The following SLC24A2 variants were observed in gnomAD, a reference collection of about 807,000 sequenced individuals.
The protein encoded by SLC24A2 is sodium/potassium/calcium exchanger 2.
In SLC24A2, 36 loss-of-function variants were observed where a neutral mutation model predicts 62.0. That is an observed-to-expected ratio of 0.58 (90% CI 0.44 to 0.77). The LOEUF is 0.77. Ranked by LOEUF, SLC24A2 falls within the 30% of genes least tolerant of loss-of-function variation. SLC24A2 has a pLI of 0.00. For missense variants in SLC24A2, 846 were observed against 817.9 expected (o/e 1.03, Z -0.42); for synonymous variants, 358 against 294.0 (o/e 1.22, Z -2.23).
At chr9:19,649,257 T>C in intron 2 of SLC24A2, among the ~76,000 whole-genome samples, 1 of 152,202 alleles carries the variant, frequency 6.6e-6, no homozygotes, top group Non-Finnish European at 1.5e-5. Context: ...GTAGGCTCTT[T>C]GAATTTACTT....
chr9:19,773,946 A>C (rs938124863), intron 2 of SLC24A2, among the ~76,000 whole-genome samples: 5 of 152,218 alleles, frequency 3.3e-5, no homozygotes, highest in Non-Finnish European at 5.9e-5. Context: ...AAAGGAAAGC[A>C]AGGTCAAGTC....
the SLC24A2 span, among the ~76,000 whole-genome samples, chr9:19,947,073 C>G: frequency 2.0e-5 from 3 of 152,178 alleles, no homozygotes. Flanking sequence ...GTAACTTGGA[C>G]TGGGTCAATA....
chr9:19,550,020 G>C (rs1009562748), intron 8 of SLC24A2, 117 bp downstream of exon 8: 26 of 1,037,422 alleles, frequency 2.5e-5, no homozygotes, highest in Non-Finnish European at 3.5e-5. Flanking sequence ...GGGTATATGT[G>C]AGATTTTGAT....
chr9:19,750,571 T>C (rs147982831), intron 2 of SLC24A2, among the ~76,000 whole-genome samples: 33 of 152,288 alleles, frequency 2.2e-4, no homozygotes, highest in African/African-American at 7.9e-4. Context: ...GGGTCTGAAC[T>C]GAGCTCTGCC....
At chr9:20,295,747 G>C in the SLC24A2 span, among the ~76,000 whole-genome samples, 3 of 152,298 alleles carry the variant, frequency 2.0e-5, no homozygotes, top group African/African-American at 4.8e-5. Context: ...ACCTTGGACA[G>C]AGAGTTACAC....
At chr9:19,878,228 G>T in the SLC24A2 span, among the ~76,000 whole-genome samples, 1 of 152,074 alleles carries the variant, frequency 6.6e-6, no homozygotes, top group African/African-American at 2.4e-5. Flanking sequence ...AGCAATCCTG[G>T]GAAAACAGCT....
At chr9:20,081,502 A>C in the SLC24A2 span, among the ~76,000 whole-genome samples, 23 of 131,290 alleles carry the variant, frequency 1.8e-4, no homozygotes, top group African/African-American at 5.6e-4. Flanking sequence ...GGGGGGAGGG[A>C]CAACATTAGG....
chr9:19,707,615 A>G (rs1272268828), intron 2 of SLC24A2, among the ~76,000 whole-genome samples: 2 of 152,252 alleles, frequency 1.3e-5, no homozygotes, highest in Non-Finnish European at 2.9e-5. Flanking sequence ...AAAATCAATA[A>G]ATGTAATCCA....
chr9:19,550,377 T>G, intron 7 of SLC24A2, 109 bp from the exon 8 acceptor site: 1 of 1,155,984 alleles, frequency 8.7e-7, no homozygotes, highest in South Asian at 1.3e-5. Flanking sequence ...ATCAGTTTTC[T>G]GGACTCGTTC....
At chr9:20,178,881 T>C in the SLC24A2 span, among the ~76,000 whole-genome samples, 543 of 152,274 alleles carry the variant, frequency 3.6e-3, 3 homozygotes, top group Admixed American at 0.023. Context: ...TCAAGCCACA[T>C]ACCTAGGAGG....
chr9:20,257,265 T>C, the SLC24A2 span, among the ~76,000 whole-genome samples: 1 of 152,206 alleles, frequency 6.6e-6, no homozygotes, highest in African/African-American at 2.4e-5. Flanking sequence ...AAAAAATATT[T>C]TTTAAGGCTT....
intron 5 of SLC24A2, among the ~76,000 whole-genome samples, chr9:19,579,410 G>A (rs944403151): frequency 1.3e-5 from 2 of 152,112 alleles, no homozygotes; most frequent in African/African-American, 2.4e-5. Flanking sequence ...GCCTAAAGAG[G>A]AGTTACTTTT....
At chr9:19,924,896 T>C in the SLC24A2 span, among the ~76,000 whole-genome samples, 1 of 152,210 alleles carries the variant, frequency 6.6e-6, no homozygotes, top group Non-Finnish European at 1.5e-5. Context: ...TGCCTTTGAA[T>C]GCAGCACAGA....
chr9:19,895,525 CTTTT>C, the SLC24A2 span, among the ~76,000 whole-genome samples: 2 of 87,632 alleles, frequency 2.3e-5, no homozygotes, highest in East Asian at 6.1e-4. Context: ...TTCCCCTGCC[CTTTT>C]CTTTCTTTCT....
At chr9:19,850,946 C>T in the SLC24A2 span, among the ~76,000 whole-genome samples, 246 of 24,664 alleles carry the variant, frequency 1.0e-2, 6 homozygotes, top group Middle Eastern at 0.091. Flanking sequence ...TATATATATA[C>T]ATATATATAT....
chr9:19,545,829 G>T (rs943549567), intron 8 of SLC24A2, among the ~76,000 whole-genome samples: 1 of 151,924 alleles, frequency 6.6e-6, no homozygotes, highest in Non-Finnish European at 1.5e-5. Flanking sequence ...TACTAGAGAC[G>T]GGTTTCACTG....
the SLC24A2 span, chr9:19,929,950 G>A: frequency 6.7e-6 from 1 of 148,162 alleles, no homozygotes; most frequent in Non-Finnish European, 1.5e-5. Flanking sequence ...ATAGAATAAC[G>A]ATATAAAAAT....
intron 2 of SLC24A2, among the ~76,000 whole-genome samples, chr9:19,646,946 T>C (rs1432755415): frequency 1.3e-5 from 2 of 152,182 alleles, no homozygotes; most frequent in African/African-American, 4.8e-5. Context: ...CATTCCCCTG[T>C]AGAAGTCTGC....
At chr9:19,551,227 C>G (rs1241017606) in intron 7 of SLC24A2, among the ~76,000 whole-genome samples, 1 of 152,226 alleles carries the variant, frequency 6.6e-6, no homozygotes, top group Non-Finnish European at 1.5e-5. Context: ...CTTATGCAAA[C>G]ATATGTCTCA....
Sources: gnomAD v4.1 joint callset for allele counts (sites outside exome capture counted in the v4.1 genomes callset) on GRCh38, gnomAD v4.1.1 for gene constraint, MANE v1.5 for transcripts, NCBI Gene and HGNC (gene_info 2026-07-23, HGNC 2026-07-21) for gene names.